NEBL: variants seen among roughly 807,000 people sequenced by gnomAD.
NEBL encodes nebulette.
A neutral mutation model predicts 140.2 loss-of-function variants in NEBL; 122 were observed. The observed-to-expected ratio is 0.87, with a 90% CI of 0.75 to 1.01. The LOEUF is 1.01. NEBL is among the 50% of genes least tolerant of loss of function. NEBL has a pLI of 0.00. For synonymous variants in NEBL, 436 were observed against 398.9 expected, an observed-to-expected ratio of 1.09 and a Z score of -1.11; for missense variants, 1,365 against 1,231.3, an observed-to-expected ratio of 1.11 and a Z score of -1.62.
intron 2 of NEBL, among the ~76,000 whole-genome samples, chr10:21,164,992 T>C (rs1012052510): frequency 3.3e-5 from 5 of 152,238 alleles, no homozygotes; most frequent in East Asian, 1.9e-4. Context: ...TATCCTTCCA[T>C]AGAAACAGTC....
At position 21,168,032 on chromosome 10, in the gene NEBL, T is replaced by A. The variant is rs1272409162; in HGVS notation, c.164+4351A>T. Among the ~76,000 whole-genome samples, 5 of 152,240 alleles carry A rather than the reference T, an allele frequency of 3.3e-5. No homozygotes were observed. In the East Asian group the frequency reaches 9.6e-4, roughly 29 times the overall value. On this transcript the variant is annotated intron_variant, in intron 2 of 6. Coordinates refer to the NEBL transcript ENST00000417816. ...TGGGTATTACGCCCAATCTTACATC[T>A]AGTGTGTACTATACTTTGATCGTTC...
intron 20 of NEBL, 63 bp from the exon 21 acceptor site, chr10:20,817,755 G>A (rs1363795778): frequency 4.6e-6 from 6 of 1,301,440 alleles, no homozygotes; most frequent in African/African-American, 2.9e-5. Flanking sequence ...ATACCACAAA[G>A]GACAAGGCTC....
intron 3 of NEBL, among the ~76,000 whole-genome samples, chr10:20,989,246 C>A (rs2131681512): frequency 6.6e-6 from 1 of 152,306 alleles, no homozygotes; most frequent in African/African-American, 2.4e-5. Flanking sequence ...TTCCCCCCAA[C>A]TTACCTAGTT....
In NEBL at chr10:21,020,281, TCCC is replaced by T. The variant is rs1250037034; in HGVS notation, c.165-83_165-81del. On this transcript the variant is annotated intron_variant, in intron 2 of 6. Transcript: ENST00000417816. ...ACTTTCACACCCATTGTTTTGCACA[TCCC>T]CCCTTTTCCCAACCCCATCACAGTG... 3.3e-6 allele frequency: 4 copies of T among 1,202,858 alleles called. No homozygotes were observed. The African/African-American group carries it at 6.0e-5, about 18-fold the overall frequency. The allele number at this position is 1,202,858 out of a possible 1,614,324, so 74.5% of individuals were successfully genotyped here.
intron 2 of NEBL, among the ~76,000 whole-genome samples, chr10:21,144,800 G>A (rs1297467810): frequency 6.6e-6 from 1 of 152,002 alleles, no homozygotes; most frequent in Non-Finnish European, 1.5e-5. Context: ...CATCATATAA[G>A]GCCAAGTGAC....
chr10:20,947,714 CA>C lies in NEBL; in HGVS notation c.357+13957del, dbSNP rs1434715671. On this transcript the variant is annotated intron_variant, in intron 4 of 6. Transcript: ENST00000417816. ...ACACACACACACACACACACACACA[CA>C]CAGTGTCAGGAGACAAAAGGGTAAT... Among the ~76,000 whole-genome samples, 4 of 151,378 alleles carry C rather than the reference CA, an allele frequency of 2.6e-5. No individual in the cohort carries two copies. In the South Asian group the frequency reaches 8.4e-4, roughly 32 times the overall value.
intron 1 of NEBL, among the ~76,000 whole-genome samples, chr10:21,286,666 A>T (rs1274882831): frequency 1.3e-5 from 2 of 152,100 alleles, no homozygotes; most frequent in Non-Finnish European, 2.9e-5. Context: ...CCCTGTCTCT[A>T]TTAAAAAACA....
At chr10:20,829,492 C>A (rs544705027) in intron 16 of NEBL, among the ~76,000 whole-genome samples, 1 of 151,242 alleles carries the variant, frequency 6.6e-6, no homozygotes, top group African/African-American at 2.4e-5. Flanking sequence ...TGCTAGATGA[C>A]GAGTTAGTGG....
intron 2 of NEBL, chr10:21,030,316 T>C: frequency 1.5e-6 from 1 of 657,744 alleles, no homozygotes; most frequent in South Asian, 1.5e-5. Context: ...GGACAGGAAG[T>C]GAGTCATCGC....
At chr10:20,933,756 T>C (rs1229362558) in intron 4 of NEBL, among the ~76,000 whole-genome samples, 1 of 152,044 alleles carries the variant, frequency 6.6e-6, no homozygotes, top group Non-Finnish European at 1.5e-5. Flanking sequence ...AAAAAGAAAG[T>C]TACATAAGAA....
intron 26 of NEBL, among the ~76,000 whole-genome samples, chr10:20,791,830 G>A (rs1183156499): frequency 6.6e-6 from 1 of 152,120 alleles, no homozygotes; most frequent in Non-Finnish European, 1.5e-5. Flanking sequence ...GAAGTTCACT[G>A]GGGGGGATGT....
chr10:20,942,689 A>C (rs1360733862), intron 4 of NEBL, among the ~76,000 whole-genome samples: 2 of 152,232 alleles, frequency 1.3e-5, no homozygotes, highest in African/African-American at 2.4e-5. Context: ...CAATCTACTC[A>C]TCTGACAAAG....
intron 2 of NEBL, among the ~76,000 whole-genome samples, chr10:21,114,198 T>G (rs1838174138): frequency 6.6e-6 from 1 of 152,116 alleles, no homozygotes; most frequent in Non-Finnish European, 1.5e-5. Flanking sequence ...GTTATTCAAG[T>G]GTGTTGTGTG....
intron 2 of NEBL, among the ~76,000 whole-genome samples, chr10:21,249,433 A>G (rs956004331): frequency 6.6e-6 from 1 of 152,048 alleles, no homozygotes; most frequent in Non-Finnish European, 1.5e-5. Context: ...TGTGAGTGTT[A>G]CAACCAAAAA....
chr10:20,991,448 C>A (rs1837451641), intron 3 of NEBL, among the ~76,000 whole-genome samples: 1 of 151,998 alleles, frequency 6.6e-6, no homozygotes, highest in African/African-American at 2.4e-5. Context: ...ATTAGATTTT[C>A]ATGGAAAAGA....
intron 3 of NEBL, among the ~76,000 whole-genome samples, chr10:21,229,089 T>C (rs1349523244): frequency 6.6e-6 from 1 of 152,178 alleles, no homozygotes; most frequent in African/African-American, 2.4e-5. Context: ...TACCTCCCTA[T>C]ACTCTAATCT....
intron 4 of NEBL, among the ~76,000 whole-genome samples, chr10:20,919,954 G>T (rs565671426): frequency 7.7e-5 from 9 of 117,382 alleles, no homozygotes; most frequent in Non-Finnish European, 1.6e-4. Flanking sequence ...TATAAAAGAA[G>T]TATCTAAAAA....
chr10:20,852,176 A>G (rs1409154949), intron 10 of NEBL, among the ~76,000 whole-genome samples: 1 of 152,202 alleles, frequency 6.6e-6, no homozygotes, highest in Non-Finnish European at 1.5e-5. Flanking sequence ...AGAAATTATA[A>G]TAAACCTTGC....
At chr10:21,028,235 CAA>C (rs1168946872) in intron 2 of NEBL, among the ~76,000 whole-genome samples, 25 of 66,234 alleles carry the variant, frequency 3.8e-4, no homozygotes, top group African/African-American at 1.5e-3. Flanking sequence ...TCAAACATCT[CAA>C]AAAAAAAAAA....
Sources: gnomAD v4.1 joint callset for allele counts (sites outside exome capture counted in the v4.1 genomes callset) on GRCh38, gnomAD v4.1.1 for gene constraint, MANE v1.5 for transcripts, NCBI Gene and HGNC (gene_info 2026-07-23, HGNC 2026-07-21) for gene names.